Variants in PEBP4 observed in about 807,000 individuals in gnomAD.
PEBP4 encodes the protein phosphatidylethanolamine binding protein 4.
A neutral mutation model predicts 23.9 loss-of-function variants in PEBP4; 22 were observed. The observed-to-expected ratio is 0.92, with a 90% CI of 0.66 to 1.31. The LOEUF (loss-of-function observed/expected upper bound fraction) is 1.31, where lower values mean the gene tolerates loss of function less well. Ranked by LOEUF, PEBP4 falls within the 40% of genes most tolerant of loss-of-function variation. The pLI, the probability that PEBP4 is intolerant of heterozygous loss-of-function variation, is 0.00. For synonymous variants in PEBP4, 112 were observed against 99.3 expected (o/e 1.13, Z -0.76); for missense variants, 324 against 281.7 (o/e 1.15, Z -1.07).
intron 4 of PEBP4, among the ~76,000 whole-genome samples, chr8:22,739,005 T>A (rs7841894): frequency 6.6e-6 from 1 of 152,056 alleles, no homozygotes; most frequent in Non-Finnish European, 1.5e-5. Flanking sequence ...GCTGGGACCA[T>A]GCAATTAGGA....
intron 4 of PEBP4, among the ~76,000 whole-genome samples, chr8:22,742,557 G>A (rs1346110291): frequency 2.0e-5 from 3 of 152,194 alleles, no homozygotes; most frequent in Non-Finnish European, 4.4e-5. Context: ...GACAGAAGGG[G>A]GATGATGACA....
intron 2 of PEBP4, among the ~76,000 whole-genome samples, chr8:22,920,550 C>T (rs949341313): frequency 6.6e-6 from 1 of 152,066 alleles, no homozygotes; most frequent in Non-Finnish European, 1.5e-5. Flanking sequence ...AGAAAAGTGG[C>T]GGTCAATGGT....
intron 3 of PEBP4, among the ~76,000 whole-genome samples, chr8:22,844,450 G>T (rs1409442962): frequency 6.6e-6 from 1 of 152,072 alleles, no homozygotes; most frequent in Non-Finnish European, 1.5e-5. Context: ...TGTTGGTCAG[G>T]CTGGTCTTGA....
chr8:22,833,793 C>G (rs1807139747), intron 3 of PEBP4, among the ~76,000 whole-genome samples: 1 of 152,194 alleles, frequency 6.6e-6, no homozygotes, highest in Non-Finnish European at 1.5e-5. Flanking sequence ...TTCAAGCTAC[C>G]AAGGCTGGGC....
intron 3 of PEBP4, among the ~76,000 whole-genome samples, chr8:22,862,977 AT>A (rs1330994171): frequency 5.3e-5 from 8 of 151,560 alleles, no homozygotes; most frequent in Admixed American, 6.6e-5. Context: ...ATTTTTTTGT[AT>A]TTTTAGTAGA....
intron 1 of PEBP4, among the ~76,000 whole-genome samples, chr8:22,939,525 C>A (rs780911912): frequency 6.6e-6 from 1 of 151,932 alleles, no homozygotes; most frequent in Non-Finnish European, 1.5e-5. Flanking sequence ...GTGATTATGG[C>A]TTATTGTTAA....
At chr8:22,892,601 G>A (rs978259577) in intron 3 of PEBP4, among the ~76,000 whole-genome samples, 1 of 152,218 alleles carries the variant, frequency 6.6e-6, no homozygotes, top group African/African-American at 2.4e-5. Context: ...GGAAGTAGAA[G>A]AGGTTGTAGG....
chr8:22,918,867 A>G (rs1311551611), intron 3 of PEBP4, among the ~76,000 whole-genome samples: 2 of 152,128 alleles, frequency 1.3e-5, no homozygotes, highest in African/African-American at 4.8e-5. Context: ...GCCCAGTCCA[A>G]GGGTTTCCAG....
chr8:22,872,641 T>C (rs1480145581), intron 3 of PEBP4, among the ~76,000 whole-genome samples: 1 of 152,252 alleles, frequency 6.6e-6, no homozygotes, highest in Non-Finnish European at 1.5e-5. Context: ...CCTGACTGTT[T>C]ACTCTTAGCT....
intron 3 of PEBP4, among the ~76,000 whole-genome samples, chr8:22,859,180 C>T (rs557137219): frequency 6.7e-4 from 102 of 152,298 alleles, no homozygotes; most frequent in African/African-American, 2.3e-3. Context: ...ACTACGGCAG[C>T]ACCTATCTAC....
At chr8:22,850,478 T>C (rs1807528931) in intron 3 of PEBP4, among the ~76,000 whole-genome samples, 1 of 152,116 alleles carries the variant, frequency 6.6e-6, no homozygotes, top group South Asian at 2.1e-4. Context: ...AACAGCCAGG[T>C]GAGGCGGGAG....
intron 3 of PEBP4, chr8:22,885,643 C>T (rs1206580099): frequency 6.6e-6 from 1 of 152,268 alleles, no homozygotes; most frequent in Non-Finnish European, 1.5e-5. Context: ...ACACAAGAGA[C>T]AGTCTGTGGA....
At chr8:22,888,215 A>T (rs150209488) in intron 3 of PEBP4, among the ~76,000 whole-genome samples, 1,693 of 140,888 alleles carry the variant, frequency 0.012, 14 homozygotes, top group South Asian at 0.02. Context: ...GTGCAGTGGT[A>T]TGATCGCAGC....
chr8:22,849,433 A>AG (rs1314340697), intron 3 of PEBP4, among the ~76,000 whole-genome samples: 1 of 152,202 alleles, frequency 6.6e-6, no homozygotes, highest in African/African-American at 2.4e-5. Flanking sequence ...TACCGACCTG[A>AG]GGTCAGTTAG....
intron 2 of PEBP4, among the ~76,000 whole-genome samples, chr8:22,921,383 G>A (rs1809196754): frequency 1.3e-5 from 2 of 152,182 alleles, no homozygotes; most frequent in African/African-American, 4.8e-5. Context: ...TGCCTTGCTG[G>A]GGGTGATATC....
chr8:22,892,106 A>G (rs1179243964), intron 3 of PEBP4, among the ~76,000 whole-genome samples: 1 of 152,076 alleles, frequency 6.6e-6, no homozygotes, highest in African/African-American at 2.4e-5. Flanking sequence ...GGAAGGAGAA[A>G]GTAGAGGGAC....
chr8:22,921,877 G>C (rs1411480559), intron 2 of PEBP4, among the ~76,000 whole-genome samples: 1 of 152,224 alleles, frequency 6.6e-6, no homozygotes, highest in Non-Finnish European at 1.5e-5. Flanking sequence ...GCGAGGCAGA[G>C]AGGGGACCCA....
chr8:22,877,669 ACCTCC>A (rs1304584731), intron 3 of PEBP4, among the ~76,000 whole-genome samples: 4 of 60,372 alleles, frequency 6.6e-5, no homozygotes, highest in African/African-American at 2.5e-4. Context: ...CCACCTCCCC[ACCTCC>A]CCCTCCTGTT....
rs1809382314 is a variant in PEBP4, at chr8:22,927,820, G to C, written c.-7+3C>G. The C allele has an allele frequency of 6.8e-7, 1 of 1,468,556 alleles. No homozygotes were observed. Among genetic ancestry groups the C allele is most frequent in the Non-Finnish European group, 9.3e-7 (1 of 1,078,992 alleles). The allele number at this position is 1,468,556 out of a possible 1,614,324, so 91.0% of individuals were successfully genotyped here. ...CCAGGGGCCCACTTGGCAGGATAGA[G>C]ACCTCTGGTTAAGCACAGGGAGAAG... On this transcript the variant is annotated splice_donor_region_variant and intron_variant, in intron 1 of 6. Coordinates refer to ENST00000256404, the MANE Select transcript of PEBP4 (RefSeq NM_144962.3).
Sources: allele counts gnomAD v4.1 joint callset (sites outside exome capture counted in the v4.1 genomes callset), GRCh38; gene constraint gnomAD v4.1.1; transcripts MANE v1.5; gene names NCBI Gene and HGNC (gene_info 2026-07-23, HGNC 2026-07-21).